BTBD1: variants seen among roughly 807,000 people sequenced by gnomAD.
BTBD1 encodes BTB domain containing 1.
BTBD1 carries 34 observed loss-of-function variants against 48.0 expected under a neutral mutation model. That is an observed-to-expected ratio of 0.71 (90% CI 0.54 to 0.94). BTBD1 has a LOEUF of 0.94. BTBD1 is among the 40% of genes least tolerant of loss of function. The pLI, the probability that BTBD1 is intolerant of heterozygous loss-of-function variation, is 0.00. For missense variants in BTBD1, 543 were observed against 625.6 expected, an observed-to-expected ratio of 0.87 and a Z score of 1.41; for synonymous variants, 261 against 242.1, an observed-to-expected ratio of 1.08 and a Z score of -0.72.
At position 83,017,048 on chromosome 15, in the gene BTBD1, C is replaced by G. The variant is rs951848620; in HGVS notation, c.*1019G>C. 5 of 152,488 alleles carry G rather than the reference C, an allele frequency of 3.3e-5. No homozygotes were observed. The highest frequency in any genetic ancestry group is 1.3e-4 in the Admixed American group (2 of 15,268). 9.4% of individuals were successfully genotyped at this position (152,488 alleles called of 1,614,324 possible). A position where few individuals can be genotyped will look rare whatever the true frequency, so the allele number is the denominator to read the frequency against. ...CAATCTGCCAGATATACTTCCTATC[C>G]CCAACACAGCTGTAACACTGACTAA... On this transcript the variant is annotated 3_prime_UTR_variant, in exon 8 of 8. Coordinates refer to ENST00000261721, the MANE Select transcript of BTBD1 (RefSeq NM_025238.4).
At chr15:83,046,619 T>A (rs1389535997) in intron 3 of BTBD1, among the ~76,000 whole-genome samples, 5 of 151,082 alleles carry the variant, frequency 3.3e-5, no homozygotes, top group African/African-American at 1.2e-4. Context: ...ATGCTTCAAA[T>A]GAGAACACAC....
chr15:83,064,452 C>T (rs1188922452), intron 1 of BTBD1, among the ~76,000 whole-genome samples: 1 of 152,160 alleles, frequency 6.6e-6, no homozygotes, highest in Non-Finnish European at 1.5e-5. Flanking sequence ...ATTTCAAACA[C>T]TCTAAAATTA....
chr15:83,048,566 T>C (rs2032922790), intron 3 of BTBD1, among the ~76,000 whole-genome samples: 1 of 152,190 alleles, frequency 6.6e-6, no homozygotes, highest in Admixed American at 6.5e-5. Context: ...TCCTTCCTCT[T>C]ATACACTTCT....
Position 83,056,512 on chromosome 15 carries a change from T to G in BTBD1, c.435A>C (p.Pro145=). Residue 145 remains proline (P), a synonymous_variant, in exon 2 of 8, where the codon CCA becomes CCC. Coordinates refer to ENST00000261721, the MANE Select transcript of BTBD1 (RefSeq NM_025238.4). ...FLYSDEVQIG[P]ETVMTTLYTA... is the part of the protein sequence containing the mutation. Reference sequence around the variant, plus strand: ...TATAAAGAGTGGTCATAACTGTTTCTGGACCAATTTGAACTTCATCTGAAT... The same window carrying G: ...TATAAAGAGTGGTCATAACTGTTTCGGGACCAATTTGAACTTCATCTGAAT... The G allele has an allele frequency of 1.9e-6, 3 of 1,613,890 alleles. No homozygotes were observed. The highest frequency in any genetic ancestry group is 2.5e-6 in the Non-Finnish European group (3 of 1,179,786).
intron 3 of BTBD1, among the ~76,000 whole-genome samples, chr15:83,042,773 A>G (rs2032793710): frequency 6.6e-6 from 1 of 152,202 alleles, no homozygotes; most frequent in Non-Finnish European, 1.5e-5. Context: ...AAATAAACAC[A>G]AGTAAATTCG....
At chr15:83,027,518 C>G (rs1163389355) in intron 5 of BTBD1, among the ~76,000 whole-genome samples, 3 of 152,192 alleles carry the variant, frequency 2.0e-5, no homozygotes, top group African/African-American at 7.2e-5. Flanking sequence ...GCCAGAGTTT[C>G]TTGCACTCCA....
rs1312046993 is a variant in BTBD1, at chr15:83,066,768, G to A, written c.384C>T (p.Ala128=). Residue 128 remains alanine, a synonymous_variant, in exon 1 of 8, where the codon GCC becomes GCT. Transcript: ENST00000261721. ...CCGCTCACCTCAGCAGCGCCAGGAA[G>A]GCTGCGGGCTCCACGTCCGGCAGCT... The part of the protein sequence containing the change: ...EIELPDVEPA[A]FLALLRFLYS... 9.2e-6 allele frequency: 13 copies of A among 1,417,846 alleles called. No individual in the cohort carries two copies. Among genetic ancestry groups the A allele is most frequent in the Non-Finnish European group, 1.2e-5 (13 of 1,091,742 alleles). 87.8% of individuals were successfully genotyped at this position (1,417,846 alleles called of 1,614,324 possible).
At chr15:83,053,709 G>A (rs141363994) in intron 2 of BTBD1, among the ~76,000 whole-genome samples, 3 of 152,216 alleles carry the variant, frequency 2.0e-5, no homozygotes, top group East Asian at 1.9e-4. Context: ...GAAAAAATAC[G>A]GAGATATCAC....
chr15:83,025,136 CTGAG>C (rs2032377047), intron 5 of BTBD1, among the ~76,000 whole-genome samples: 1 of 151,930 alleles, frequency 6.6e-6, no homozygotes, highest in Non-Finnish European at 1.5e-5. Flanking sequence ...GGCAGATCAC[CTGAG>C]GTCAGGAGTT....
chr15:83,031,511 A>G lies in BTBD1; in HGVS notation c.863-1183T>C, dbSNP rs185474834. ...GATGGAGGTGGAGACCATCATTCTC[A>G]GTAAACTATCACAAGGACAAAATAC... is the stretch of plus-strand genomic sequence containing the variant. On this transcript the variant is annotated intron_variant, in intron 4 of 7. Coordinates refer to ENST00000261721, the MANE Select transcript of BTBD1 (RefSeq NM_025238.4). Among the ~76,000 whole-genome samples, 8 of 152,336 alleles carry G rather than the reference A, an allele frequency of 5.3e-5. No individual in the cohort carries two copies. The East Asian group carries it at 1.5e-3, about 29-fold the overall frequency.
chr15:83,064,702 GAGATCTACACATTTCA>G (rs979642000), intron 1 of BTBD1, among the ~76,000 whole-genome samples: 4 of 150,050 alleles, frequency 2.7e-5, no homozygotes, highest in African/African-American at 9.8e-5. Context: ...TAATGAGGAT[GAGATCTACACATTTCA>G]TAAGCACCCC....
At chr15:83,059,869 GGCCTGA>G (rs1255286313) in intron 1 of BTBD1, among the ~76,000 whole-genome samples, 1 of 152,190 alleles carries the variant, frequency 6.6e-6, no homozygotes, top group African/African-American at 2.4e-5. Context: ...TGGGATTATA[GGCCTGA>G]GCCACTGTAC....
chr15:83,048,886 G>A (rs1035528321), intron 3 of BTBD1, among the ~76,000 whole-genome samples: 12 of 152,070 alleles, frequency 7.9e-5, no homozygotes, highest in Non-Finnish European at 7.4e-5. Flanking sequence ...CCCAATTTTT[G>A]GTGAATCAGT....
At chr15:83,050,020 G>GT in intron 3 of BTBD1, 53 bp downstream of exon 3, 2 of 1,073,236 alleles carry the variant, frequency 1.9e-6, no homozygotes, top group Non-Finnish European at 2.8e-6. Flanking sequence ...AGGCTGACAA[G>GT]TAAGGCATTA....
intron 2 of BTBD1, among the ~76,000 whole-genome samples, chr15:83,055,024 A>G (rs1240581574): frequency 6.6e-6 from 1 of 152,136 alleles, no homozygotes; most frequent in Non-Finnish European, 1.5e-5. Flanking sequence ...GGCCATCAAT[A>G]ATTATTTCCA....
chr15:83,032,905 G>A (rs117399838), intron 4 of BTBD1, among the ~76,000 whole-genome samples: 7,759 of 147,528 alleles, frequency 0.053, 262 homozygotes, highest in Middle Eastern at 0.12. Flanking sequence ...CTGGAAGGTG[G>A]AGGTTGCACT....
At chr15:83,030,025 A>C in intron 5 of BTBD1, 111 bp downstream of exon 5, 1 of 1,008,602 alleles carries the variant, frequency 9.9e-7, no homozygotes, top group Non-Finnish European at 1.5e-6. Context: ...AAAGTGTATT[A>C]AATGAAGTAT....
intron 3 of BTBD1, chr15:83,044,749 G>T: frequency 6.9e-7 from 1 of 1,452,454 alleles, no homozygotes; most frequent in South Asian, 1.1e-5. Flanking sequence ...GCCTGTACTC[G>T]GATCTATGAA....
chr15:83,057,468 A>G (rs1196122419), intron 1 of BTBD1, among the ~76,000 whole-genome samples: 1 of 152,128 alleles, frequency 6.6e-6, no homozygotes, highest in African/African-American at 2.4e-5. Flanking sequence ...AATATTAGCT[A>G]TTTATCTGTA....
Sources: gnomAD v4.1 joint callset for allele counts (sites outside exome capture counted in the v4.1 genomes callset) on GRCh38, gnomAD v4.1.1 for gene constraint, MANE v1.5 for transcripts, NCBI Gene and HGNC (gene_info 2026-07-23, HGNC 2026-07-21) for gene names.